ACAN: variants seen among roughly 807,000 people sequenced by gnomAD.
The protein encoded by ACAN is aggrecan.
In ACAN, 47 loss-of-function variants were observed where a neutral mutation model predicts 169.1. The ratio of observed to expected loss-of-function variants is 0.28; its 90% CI spans 0.22 to 0.35. The LOEUF (loss-of-function observed/expected upper bound fraction) is 0.35. ACAN is among the 10% of genes least tolerant of loss of function. The pLI is 1.00. For synonymous variants in ACAN, 1,115 were observed against 1,112.2 expected, an observed-to-expected ratio of 1.00 and a Z score of -0.05; for missense variants, 2,716 against 2,759.9, an observed-to-expected ratio of 0.98 and a Z score of 0.36.
chr15:88,865,843 G>T (rs1897271802), intron 13 of ACAN, among the ~76,000 whole-genome samples: 1 of 152,194 alleles, frequency 6.6e-6, no homozygotes, highest in South Asian at 2.1e-4. Flanking sequence ...GACAGCACAG[G>T]CCAAAACAGC....
chr15:88,874,597 T>A lies in ACAN; in HGVS notation c.*116T>A. ...CTTTTTGTCATATAAGGAATCCCAT[T>A]AAAGAAGGAAAAAAATAAATCCCAC... is the stretch of plus-strand genomic sequence containing the variant. On this transcript the variant is annotated 3_prime_UTR_variant, in exon 19 of 19. Coordinates refer to ENST00000560601, the MANE Select transcript of ACAN (RefSeq NM_001369268.1). The surrounding 1 kb of genome is among the most constrained non-coding windows in gnomAD (Gnocchi z 7.3). 2 of 1,011,646 alleles carry A rather than the reference T, an allele frequency of 2.0e-6. No individual in the cohort carries two copies. The highest frequency in any genetic ancestry group is 3.0e-6 in the Non-Finnish European group (2 of 660,910). The allele number at this position is 1,011,646 out of a possible 1,614,324, so 62.7% of individuals were successfully genotyped here. A position where few individuals can be genotyped will look rare whatever the true frequency, so the allele number is the denominator to read the frequency against.
intron 5 of ACAN, among the ~76,000 whole-genome samples, chr15:88,842,823 C>G (rs1488431768): frequency 6.6e-6 from 1 of 152,182 alleles, no homozygotes; most frequent in Non-Finnish European, 1.5e-5. Flanking sequence ...ACCCCTGACA[C>G]AACCTTGTTA....
At chr15:88,836,849 G>A (rs1208278253) in intron 2 of ACAN, among the ~76,000 whole-genome samples, 2 of 152,228 alleles carry the variant, frequency 1.3e-5, no homozygotes, top group Non-Finnish European at 2.9e-5. Context: ...ACCCCAGGAT[G>A]GGCTTGACCC....
At position 88,837,674 on chromosome 15, in the gene ACAN, C is replaced by T. The variant is rs1896538498; in HGVS notation, c.71-989C>T. Reference sequence around the variant, plus strand: ...AAGCCATGTCCAGGGTGCGAGGGCCCAGCACTCGGAGGAAGATGCCTGTGG... The same window carrying T: ...AAGCCATGTCCAGGGTGCGAGGGCCTAGCACTCGGAGGAAGATGCCTGTGG... On this transcript the variant is annotated intron_variant, in intron 2 of 18. Transcript: ENST00000560601. Among the ~76,000 whole-genome samples, 2 of 152,164 alleles carry T rather than the reference C, an allele frequency of 1.3e-5. 1 individual carries two copies. Among genetic ancestry groups the T allele is most frequent in the South Asian group, 4.1e-4 (2 of 4,824 alleles).
chr15:88,841,102 G>A (rs558225683), intron 4 of ACAN, among the ~76,000 whole-genome samples: 9 of 152,298 alleles, frequency 5.9e-5, no homozygotes, highest in African/African-American at 7.2e-5. Context: ...CCGAGATCGC[G>A]CCACTGCACT....
chr15:88,871,351 C>A lies in ACAN; in HGVS notation c.7061-31C>A. The A allele has an allele frequency of 6.2e-7, 1 of 1,613,258 alleles. No individual in the cohort carries two copies. The highest frequency in any genetic ancestry group is 1.1e-5 in the South Asian group (1 of 91,018). On this transcript the variant is annotated intron_variant, in intron 14 of 18. Transcript: ENST00000560601. This position sits in a 1 kb window ranked among gnomAD's most constrained non-coding sequence, Gnocchi z 7.8. The stretch of plus-strand genomic sequence containing the variant: ...CTGCCATCCCCTGGTGGCCTCTGCC[C>A]CTCCCTTCAAGCCCCTGACCTGTGT...
At chr15:88,809,298 A>T (rs998592687) in intron 1 of ACAN, among the ~76,000 whole-genome samples, 1 of 151,952 alleles carries the variant, frequency 6.6e-6, no homozygotes, top group Non-Finnish European at 1.5e-5. Flanking sequence ...TGGTGGGAGG[A>T]GCACTGCACT....
At chr15:88,854,711 A>G (rs752510982) in intron 11 of ACAN, 141 bp from the exon 12 acceptor site, 16 of 872,218 alleles carry the variant, frequency 1.8e-5, no homozygotes, top group Non-Finnish European at 2.5e-5. Flanking sequence ...CAGTTCCATT[A>G]GAAAGCATTT....
In ACAN at chr15:88,838,531, T is replaced by A; in HGVS notation, c.71-132T>A. ...CCCACATGACACGGGAGCATCCCCA[T>A]CATAGAGACAGACACACTCATCGGA... On this transcript the variant is annotated intron_variant, in intron 2 of 18. Coordinates refer to ENST00000560601, the MANE Select transcript of ACAN (RefSeq NM_001369268.1). The surrounding 1 kb of genome is among the most constrained non-coding windows in gnomAD (Gnocchi z 5.1). The A allele has an allele frequency of 8.8e-7, 1 of 1,137,940 alleles. No individual in the cohort carries two copies. The allele number at this position is 1,137,940 out of a possible 1,614,324, so 70.5% of individuals were successfully genotyped here.
At position 88,849,631 on chromosome 15, in the gene ACAN, C is replaced by T; in HGVS notation, c.1926C>T (p.Ala642=). 1.2e-6 allele frequency: 2 copies of T among 1,612,890 alleles called. No individual in the cohort carries two copies. The highest frequency in any genetic ancestry group is 2.2e-5 in the South Asian group (2 of 90,972). ...LRYPIVTPRP[A]CGGDKPGVRT... is the part of the protein sequence containing the mutation. ...ACCCCATCGTCACCCCAAGGCCTGCCTGCGGTGGGGACAAGCCAGGCGTGA... is the reference window on the plus strand; with the variant it reads ...ACCCCATCGTCACCCCAAGGCCTGCTTGCGGTGGGGACAAGCCAGGCGTGA... The change falls in exon 10 of 19, where the codon GCC becomes GCT. Residue 642 remains alanine (A), a synonymous_variant. Transcript: ENST00000560601. This position sits in a 1 kb window ranked among gnomAD's most constrained non-coding sequence, Gnocchi z 5.1.
chr15:88,825,349 C>G (rs1169461091), intron 1 of ACAN, among the ~76,000 whole-genome samples: 2 of 152,132 alleles, frequency 1.3e-5, no homozygotes, highest in Non-Finnish European at 2.9e-5. Context: ...AAGTAAGTTG[C>G]CACAAGGAAT....
chr15:88,830,882 C>CGTCACCAGGTG (rs966400388), intron 1 of ACAN, among the ~76,000 whole-genome samples: 4 of 152,120 alleles, frequency 2.6e-5, no homozygotes, highest in South Asian at 2.1e-4. Context: ...ACGGCTGCAG[C>CGTCACCAGGTG]ATCACCAGGT....
At position 88,859,333 on chromosome 15, in the gene ACAN, A is replaced by C. The variant is rs769936963; in HGVS notation, c.6748A>C (p.Thr2250Pro). Residue 2250 changes from threonine to proline, a missense_variant, in exon 12 of 19, where the codon ACA (threonine) becomes CCA (proline). Around this residue, in one of 3 missense-constraint regions of ACAN, gnomAD observed 1,389 missense variants for 1,363.7 expected, o/e 1.02. Coordinates refer to ENST00000560601, the MANE Select transcript of ACAN (RefSeq NM_001369268.1). ...CCTGTACTCAGGAGAAGAGACTCAC[A>C]CAGTCGAAACAGCCACCTCCCCAAC... ...SLLYSGEETHTVETATSPTDA... is the reference protein window; with the variant it reads ...SLLYSGEETHPVETATSPTDA... 1 of 1,604,366 alleles carries C rather than the reference A, an allele frequency of 6.2e-7. No individual in the cohort carries two copies.
chr15:88,824,803 C>G (rs1040398485), intron 1 of ACAN, among the ~76,000 whole-genome samples: 1 of 151,548 alleles, frequency 6.6e-6, no homozygotes, highest in Non-Finnish European at 1.5e-5. Context: ...TGCTTGAGCC[C>G]GGGAGGTGGA....
intron 1 of ACAN, among the ~76,000 whole-genome samples, chr15:88,813,506 C>A (rs1021617642): frequency 6.6e-6 from 1 of 152,224 alleles, no homozygotes; most frequent in African/African-American, 2.4e-5. Context: ...ATGGCCACTT[C>A]CATATGCCAA....
rs370912629 is a variant in ACAN, at chr15:88,874,508, C to T, written c.*27C>T. On this transcript the variant is annotated 3_prime_UTR_variant, in exon 19 of 19. Coordinates refer to ENST00000560601, the MANE Select transcript of ACAN (RefSeq NM_001369268.1). The surrounding 1 kb of genome is among the most constrained non-coding windows in gnomAD (Gnocchi z 7.3). ...AAGAGCTTCCAGGACGCACCCAGGA[C>T]GCTGAGCCCAGGAGCCTGCCAGGCT... The T allele has an allele frequency of 3.7e-4, 586 of 1,572,148 alleles. No homozygotes were observed. The highest frequency in any genetic ancestry group is 4.4e-4 in the Non-Finnish European group (504 of 1,156,384).
Position 88,872,841 on chromosome 15 carries a change from T to C in ACAN, c.7303-40T>C. 6.2e-7 allele frequency: 1 copy of C among 1,609,030 alleles called. No homozygotes were observed. Among genetic ancestry groups the C allele is most frequent in the Non-Finnish European group, 8.5e-7 (1 of 1,178,104 alleles). ...AGTCGGAGCAGGCCAACCCGCACTG[T>C]CCTGCCCTCTCCTTACTCCTTCCCC... On this transcript the variant is annotated intron_variant, in intron 16 of 18. Transcript: ENST00000560601. This position sits in a 1 kb window ranked among gnomAD's most constrained non-coding sequence, Gnocchi z 5.4.
chr15:88,873,097 G>A lies in ACAN; in HGVS notation c.7447+72G>A, dbSNP rs1476653860. ...TCCAGCTACAGGTGAGGCTCTTGCTGTGTGGCCTGGGGTGAGTCCCTTGTC... is the reference window on the plus strand; with the variant it reads ...TCCAGCTACAGGTGAGGCTCTTGCTATGTGGCCTGGGGTGAGTCCCTTGTC... On this transcript the variant is annotated intron_variant, in intron 17 of 18. Transcript: ENST00000560601. This position sits in a 1 kb window ranked among gnomAD's most constrained non-coding sequence, Gnocchi z 7.5. 6 of 1,540,906 alleles carry A rather than the reference G, an allele frequency of 3.9e-6. No individual in the cohort carries two copies. Among genetic ancestry groups the A allele is most frequent in the Admixed American group, 1.9e-5 (1 of 51,902 alleles).
intron 2 of ACAN, among the ~76,000 whole-genome samples, chr15:88,836,708 C>T (rs1430758280): frequency 6.6e-6 from 1 of 152,250 alleles, no homozygotes; most frequent in Admixed American, 6.5e-5. Flanking sequence ...AGAAAAGCCC[C>T]AGGGAATCAG....
Sources: allele counts gnomAD v4.1 joint callset (sites outside exome capture counted in the v4.1 genomes callset), GRCh38; gene constraint gnomAD v4.1.1; regional missense constraint gnomAD v4.1.1; non-coding constraint Gnocchi (gnomAD v3.1); transcripts MANE v1.5; gene names NCBI Gene and HGNC (gene_info 2026-07-23, HGNC 2026-07-21).